The following DMRT1 variants were observed in gnomAD, a reference collection of about 807,000 sequenced individuals.
DMRT1 encodes the protein doublesex and mab-3 related transcription factor 1, also known as doublesex- and mab-3-related transcription factor 1.
DMRT1 carries 7 observed loss-of-function variants against 32.3 expected under a neutral mutation model. That is an observed-to-expected ratio of 0.22 (90% CI 0.12 to 0.41). The LOEUF is 0.41. DMRT1 is among the 10% of genes least tolerant of loss of function. The pLI, the probability that DMRT1 is intolerant of heterozygous loss-of-function variation, is 1.00. For synonymous variants in DMRT1, 278 were observed against 206.1 expected, an observed-to-expected ratio of 1.35 and a Z score of -2.99; for missense variants, 625 against 500.5, an observed-to-expected ratio of 1.25 and a Z score of -2.37.
intron 2 of DMRT1, among the ~76,000 whole-genome samples, chr9:869,293 G>T (rs552010801): frequency 6.6e-6 from 1 of 152,128 alleles, no homozygotes; most frequent in Non-Finnish European, 1.5e-5. Context: ...AAGGTGGATG[G>T]CATAGAAATA....
chr9:876,565 C>G (rs746260272), intron 2 of DMRT1, among the ~76,000 whole-genome samples: 2 of 151,644 alleles, frequency 1.3e-5, no homozygotes, highest in African/African-American at 4.9e-5. Context: ...GAGTCTTGCC[C>G]TATCATCCAG....
intron 2 of DMRT1, among the ~76,000 whole-genome samples, chr9:893,530 CCTAT>C (rs1817233212): frequency 6.6e-6 from 1 of 152,224 alleles, no homozygotes; most frequent in African/African-American, 2.4e-5. Flanking sequence ...GACTTTCTAA[CCTAT>C]CTATGTGGCT....
At position 950,174 on chromosome 9, in the gene DMRT1, A is replaced by G. The variant is rs185315730; in HGVS notation, c.968-17811A>G. On this transcript the variant is annotated intron_variant, in intron 4 of 4. Transcript: ENST00000382276. Reference sequence around the variant, plus strand: ...ATTTGGGTCTCTTGGATATCTCCTTACTCAGCTCATTTTTAGAAGGCAAAC... The same window carrying G: ...ATTTGGGTCTCTTGGATATCTCCTTGCTCAGCTCATTTTTAGAAGGCAAAC... 1.9e-3 allele frequency among the ~76,000 whole-genome samples: 286 copies of G among 152,142 alleles called. 3 individuals carry two copies. The highest frequency in any genetic ancestry group is 6.6e-3 in the African/African-American group (275 of 41,498).
rs147682357 is a variant in DMRT1, at chr9:916,699, A to T, written c.823-64A>T. ...TTACCTTGTTTTAAAGAACTAGATA[A>T]TTATTGTACTAGTTGTGACATGCAA... On this transcript the variant is annotated intron_variant, in intron 3 of 4. Transcript: ENST00000382276. The T allele has an allele frequency of 1.7e-4, 262 of 1,579,586 alleles. 1 individual carries two copies. The African/African-American group carries it at 3.2e-3, about 19-fold the overall frequency.
intron 1 of DMRT1, among the ~76,000 whole-genome samples, chr9:845,288 C>T (rs147675592): frequency 0.014 from 2,180 of 152,154 alleles, 52 homozygotes; most frequent in African/African-American, 0.051. Context: ...CGGCTCACTG[C>T]AACCTCCACC....
At chr9:955,093 G>T (rs1819557136) in intron 4 of DMRT1, among the ~76,000 whole-genome samples, 1 of 152,236 alleles carries the variant, frequency 6.6e-6, no homozygotes, top group Admixed American at 6.5e-5. Context: ...CGTGCTCAGG[G>T]TTGGATTAGA....
chr9:878,357 C>T (rs1461375189), intron 2 of DMRT1, among the ~76,000 whole-genome samples: 1 of 152,112 alleles, frequency 6.6e-6, no homozygotes, highest in East Asian at 1.9e-4. Context: ...CACTGGGTTG[C>T]ATTTGCCTCA....
intron 2 of DMRT1, among the ~76,000 whole-genome samples, chr9:892,506 G>C (rs562002744): frequency 4.0e-4 from 61 of 152,186 alleles, no homozygotes; most frequent in African/African-American, 1.3e-3. Flanking sequence ...CAGCCCTCCA[G>C]TTCTGTTGCG....
intron 3 of DMRT1, among the ~76,000 whole-genome samples, chr9:901,525 C>G (rs1764137497): frequency 6.6e-6 from 1 of 151,562 alleles, no homozygotes; most frequent in Admixed American, 6.6e-5. Flanking sequence ...CGGGGTTTCA[C>G]CATGTTGGCC....
chr9:863,649 C>T (rs550111554), intron 2 of DMRT1, among the ~76,000 whole-genome samples: 6 of 152,160 alleles, frequency 3.9e-5, no homozygotes, highest in Non-Finnish European at 8.8e-5. Flanking sequence ...CCCACAGACA[C>T]CTTGACAGAG....
intron 4 of DMRT1, among the ~76,000 whole-genome samples, chr9:966,050 C>G (rs966559365): frequency 1.3e-5 from 2 of 152,178 alleles, no homozygotes; most frequent in Non-Finnish European, 2.9e-5. Context: ...CTCCAGGAAG[C>G]TCTTAGTCGG....
chr9:932,428 A>G (rs1818755277), intron 4 of DMRT1, among the ~76,000 whole-genome samples: 1 of 152,212 alleles, frequency 6.6e-6, no homozygotes, highest in Non-Finnish European at 1.5e-5. Context: ...ACTGGCTAAC[A>G]TTCATGAACT....
rs758262501 is a variant in DMRT1, at chr9:894,059, C to A, written c.686C>A (p.Pro229Gln). 6.2e-7 allele frequency: 1 copy of A among 1,614,114 alleles called. No individual in the cohort carries two copies. The highest frequency in any genetic ancestry group is 1.3e-5 in the African/African-American group (1 of 74,938). ...FPYYNNLYNC[P>Q]QYSMALAADS... Reference sequence around the variant, plus strand: ...TATTACAACAATCTATACAACTGCCCGCAGTACTCCATGGCCTTGGCTGCT... The same window carrying A: ...TATTACAACAATCTATACAACTGCCAGCAGTACTCCATGGCCTTGGCTGCT... The change falls in exon 3 of 5, where the codon CCG becomes CAG. Residue 229 changes from proline to glutamine, a missense_variant. Coordinates refer to ENST00000382276, the MANE Select transcript of DMRT1 (RefSeq NM_021951.3).
At chr9:906,205 T>A (rs1412646116) in intron 3 of DMRT1, among the ~76,000 whole-genome samples, 1 of 152,112 alleles carries the variant, frequency 6.6e-6, no homozygotes, top group Admixed American at 6.5e-5. Context: ...GTTGAGTGTG[T>A]CCATCAGAGG....
chr9:900,625 A>G (rs1817536124), intron 3 of DMRT1, among the ~76,000 whole-genome samples: 1 of 151,848 alleles, frequency 6.6e-6, no homozygotes, highest in Non-Finnish European at 1.5e-5. Flanking sequence ...ATACTCTTAA[A>G]TTGAAAAAAA....
intron 3 of DMRT1, among the ~76,000 whole-genome samples, chr9:897,953 G>C (rs541778699): frequency 6.6e-6 from 1 of 152,190 alleles, no homozygotes; most frequent in Admixed American, 6.5e-5. Flanking sequence ...ATAAAGTATA[G>C]GTAAAAATGA....
chr9:848,578 G>C (rs1448504637), intron 2 of DMRT1, among the ~76,000 whole-genome samples: 2 of 134,810 alleles, frequency 1.5e-5, no homozygotes, highest in African/African-American at 5.5e-5. Context: ...TTTTGAGATG[G>C]AGTCTCACTC....
At chr9:867,309 A>T (rs986986783) in intron 2 of DMRT1, among the ~76,000 whole-genome samples, 8 of 152,214 alleles carry the variant, frequency 5.3e-5, no homozygotes, top group Non-Finnish European at 7.3e-5. Flanking sequence ...CAAACTGAAG[A>T]TCCACACACG....
At chr9:946,359 G>C (rs945937844) in intron 4 of DMRT1, among the ~76,000 whole-genome samples, 8 of 152,136 alleles carry the variant, frequency 5.3e-5, no homozygotes, top group Admixed American at 4.6e-4. Flanking sequence ...GGGAAATGGA[G>C]TCTAGTGGTG....
Sources: allele counts gnomAD v4.1 joint callset (sites outside exome capture counted in the v4.1 genomes callset), GRCh38; gene constraint gnomAD v4.1.1; transcripts MANE v1.5; gene names NCBI Gene and HGNC (gene_info 2026-07-23, HGNC 2026-07-21).